Variants in CAND2 observed in about 807,000 individuals in gnomAD.
CAND2 encodes cullin-associated NEDD8-dissociated protein 2.
In CAND2, 62 loss-of-function variants were observed where a neutral mutation model predicts 98.9. The ratio of observed to expected loss-of-function variants is 0.63; its 90% CI spans 0.51 to 0.77. The LOEUF (loss-of-function observed/expected upper bound fraction) is 0.77. CAND2 is among the 30% of genes least tolerant of loss of function. CAND2 has a pLI of 0.00. For missense variants in CAND2, 1,501 were observed against 1,655.2 expected, an observed-to-expected ratio of 0.91 and a Z score of 1.62; for synonymous variants, 770 against 731.9, an observed-to-expected ratio of 1.05 and a Z score of -0.84.
chr3:12,824,000 A>G (rs1035017824), intron 11 of CAND2, among the ~76,000 whole-genome samples: 14 of 152,248 alleles, frequency 9.2e-5, no homozygotes, highest in Non-Finnish European at 1.9e-4. Context: ...AACATTAACA[A>G]TTCTAAAATG....
At chr3:12,798,793 C>T (rs2061744979) in intron 1 of CAND2, among the ~76,000 whole-genome samples, 1 of 152,212 alleles carries the variant, frequency 6.6e-6, no homozygotes, top group Admixed American at 6.5e-5. Flanking sequence ...TTTTTAAAGT[C>T]CGAATACCAG....
chr3:12,834,271 T>G lies in CAND2; in HGVS notation c.*289T>G. On this transcript the variant is annotated 3_prime_UTR_variant, in exon 15 of 15. Transcript: ENST00000456430. ...AGTGACTTCACACTGTACCCCTCCA[T>G]AGTCTGTCTGGTTCCTTCAGAGGGT... 2.4e-6 allele frequency: 1 copy of G among 412,246 alleles called. No individual in the cohort carries two copies. 25.5% of individuals were successfully genotyped at this position (412,246 alleles called of 1,614,324 possible).
At chr3:12,808,144 CTAG>C (rs1370587058) in intron 3 of CAND2, 63 bp from the exon 4 acceptor site, 2 of 1,536,918 alleles carry the variant, frequency 1.3e-6, no homozygotes, top group Non-Finnish European at 1.8e-6. Context: ...CAGAGGCAGA[CTAG>C]TGGTGGAGGC....
intron 11 of CAND2, among the ~76,000 whole-genome samples, chr3:12,821,079 C>A (rs2061953652): frequency 6.6e-6 from 1 of 152,034 alleles, no homozygotes; most frequent in African/African-American, 2.4e-5. Flanking sequence ...ACTAAAAATA[C>A]AAAAATGAGC....
chr3:12,813,617 A>T (rs1331718714), intron 7 of CAND2, among the ~76,000 whole-genome samples: 3 of 152,224 alleles, frequency 2.0e-5, no homozygotes, highest in African/African-American at 7.2e-5. Context: ...ACCCTAAAAA[A>T]ACAGAAATTA....
In CAND2 at chr3:12,816,628, T is replaced by C. The variant is rs2061905601; in HGVS notation, c.1696T>C (p.Tyr566His). ...GCCTCGGATGCTGGATCCTGAGCCA[T>C]ATGTTGGAGAGATGTCTGCTGTCAC... ...HRPRMLDPEPYVGEMSAVTLA... is the reference protein window; with the variant it reads ...HRPRMLDPEPHVGEMSAVTLA... The change falls in exon 10 of 15, where the codon TAT becomes CAT. Residue 566 changes from tyrosine to histidine, a missense_variant. Tyr to His is a moderately conservative substitution (Grantham distance 83). Around this residue, in one of 3 missense-constraint regions of CAND2, gnomAD observed 1,427 missense variants for 1,545.3 expected, o/e 0.92. Transcript: ENST00000456430. The C allele has an allele frequency of 6.2e-7, 1 of 1,613,708 alleles. No individual in the cohort carries two copies. The highest frequency in any genetic ancestry group is 1.3e-5 in the African/African-American group (1 of 74,920).
chr3:12,822,228 T>C lies in CAND2; in HGVS notation c.3040+2047T>C, dbSNP rs192227146. ...CACTTCATTCCGTGGGCTATACTGT[T>C]ACTGTCTTTAATTTTGATGCATTGG... On this transcript the variant is annotated intron_variant, in intron 11 of 14. Coordinates refer to ENST00000456430, the MANE Select transcript of CAND2 (RefSeq NM_001162499.2). 5.1e-4 allele frequency among the ~76,000 whole-genome samples: 78 copies of C among 152,260 alleles called. 1 individual carries two copies. The highest frequency in any genetic ancestry group is 5.1e-3 in the Admixed American group (78 of 15,288).
intron 1 of CAND2, among the ~76,000 whole-genome samples, chr3:12,799,987 G>T (rs1397859490): frequency 2.0e-5 from 3 of 152,202 alleles, no homozygotes; most frequent in Admixed American, 1.3e-4. Flanking sequence ...ACATCGCCTG[G>T]GTTGCCAGGC....
chr3:12,812,390 ATTTTTT>A (rs35620069), intron 5 of CAND2, among the ~76,000 whole-genome samples: 5 of 66,754 alleles, frequency 7.5e-5, no homozygotes, highest in Admixed American at 3.6e-4. Flanking sequence ...TGCCCGGCTA[ATTTTTT>A]TTTTTTTTTT....
intron 4 of CAND2, among the ~76,000 whole-genome samples, chr3:12,809,321 G>C (rs2061831205): frequency 6.6e-6 from 1 of 152,172 alleles, no homozygotes; most frequent in Non-Finnish European, 1.5e-5. Context: ...CATGAGGGCA[G>C]CTCCCAGGAT....
At position 12,807,458 on chromosome 3, in the gene CAND2, C is replaced by T. The variant is rs1228426759; in HGVS notation, c.365C>T (p.Thr122Ile). ...CTCTCGGAGCTCCCTCCTGCAGCCA[C>T]AGGTACCCAGGTCCCCAGGACTAGG... ...TVLSELPPAA[T>I]GSGLATNVCR... The change falls in exon 3 of 15, where the codon ACA (threonine) becomes ATA (isoleucine). Residue 122 changes from threonine (T) to isoleucine (I), a missense_variant and splice_region_variant. Thr to Ile is a moderately conservative substitution (Grantham distance 89, BLOSUM62 -1). Transcript: ENST00000456430. The T allele has an allele frequency of 6.4e-7, 1 of 1,551,324 alleles. No individual in the cohort carries two copies. The highest frequency in any genetic ancestry group is 1.2e-5 in the South Asian group (1 of 84,030).
intron 10 of CAND2, among the ~76,000 whole-genome samples, chr3:12,818,461 C>A (rs2061928111): frequency 6.6e-6 from 1 of 152,198 alleles, no homozygotes; most frequent in African/African-American, 2.4e-5. Context: ...GCTGACATGC[C>A]CCCGAGGCTT....
chr3:12,827,478 G>A lies in CAND2; in HGVS notation c.3249G>A (p.Gly1083=). The change falls in exon 13 of 15, where the codon GGG becomes GGA. Residue 1083 remains glycine (G), a synonymous_variant. Coordinates refer to ENST00000456430, the MANE Select transcript of CAND2 (RefSeq NM_001162499.2). ...CCTTTAAACATACAGTGGACGATGGGCTGGACGTGCGGAAGGCGGCCTTTG... is the reference window on the plus strand; with the variant it reads ...CCTTTAAACATACAGTGGACGATGGACTGGACGTGCGGAAGGCGGCCTTTG... The part of the protein sequence containing the change: ...MGPFKHTVDD[G]LDVRKAAFEC... The A allele has an allele frequency of 1.2e-6, 2 of 1,614,054 alleles. No homozygotes were observed. The highest frequency in any genetic ancestry group is 8.5e-7 in the Non-Finnish European group (1 of 1,179,966).
intron 1 of CAND2, among the ~76,000 whole-genome samples, chr3:12,799,950 T>C (rs1344041381): frequency 6.6e-6 from 1 of 152,172 alleles, no homozygotes. Flanking sequence ...AGAGCGGGGA[T>C]AGAAGGCCTA....
At chr3:12,831,983 T>C (rs554126410) in intron 14 of CAND2, among the ~76,000 whole-genome samples, 1 of 152,346 alleles carries the variant, frequency 6.6e-6, no homozygotes, top group South Asian at 2.1e-4. Context: ...AAGCTGCTGC[T>C]AGACTGGAGT....
At chr3:12,805,310 CAG>C (rs2061798644) in intron 2 of CAND2, among the ~76,000 whole-genome samples, 1 of 142,454 alleles carries the variant, frequency 7.0e-6, no homozygotes, top group Admixed American at 7.4e-5. Flanking sequence ...TTTTTTGAAA[CAG>C]AGTCTCACTT....
chr3:12,808,081 T>C, intron 3 of CAND2, 129 bp from the exon 4 acceptor site: 3 of 1,237,490 alleles, frequency 2.4e-6, no homozygotes, highest in Non-Finnish European at 3.4e-6. Flanking sequence ...ACCTGGGACC[T>C]CTGGAGCCCT....
At chr3:12,800,657 G>C (rs2124832060) in intron 1 of CAND2, among the ~76,000 whole-genome samples, 1 of 152,350 alleles carries the variant, frequency 6.6e-6, no homozygotes, top group African/African-American at 2.4e-5. Context: ...TGTCACCAGG[G>C]ATTGTAGGCC....
intron 4 of CAND2, 73 bp from the exon 5 acceptor site, chr3:12,809,986 G>A: frequency 7.2e-7 from 1 of 1,383,532 alleles, no homozygotes; most frequent in Non-Finnish European, 9.3e-7. Flanking sequence ...GGGAGAGAAT[G>A]GGGAGAGGGG....
Sources: gnomAD v4.1 joint callset for allele counts (sites outside exome capture counted in the v4.1 genomes callset) on GRCh38, gnomAD v4.1.1 for gene constraint, gnomAD v4.1.1 regional missense constraint, MANE v1.5 for transcripts, NCBI Gene and HGNC (gene_info 2026-07-23, HGNC 2026-07-21) for gene names.